Variants in NTRK1 observed in about 807,000 individuals in gnomAD.
NTRK1 encodes high affinity nerve growth factor receptor.
A neutral mutation model predicts 86.8 loss-of-function variants in NTRK1; 62 were observed. That is an observed-to-expected ratio of 0.71 (90% confidence interval 0.58 to 0.88). The LOEUF (loss-of-function observed/expected upper bound fraction) is 0.88, where lower values mean the gene tolerates loss of function less well. NTRK1 is among the 40% of genes least tolerant of loss of function. The pLI, the probability that NTRK1 is intolerant of heterozygous loss-of-function variation, is 0.00. For synonymous variants in NTRK1, 469 were observed against 456.6 expected, an observed-to-expected ratio of 1.03 and a Z score of -0.35; for missense variants, 967 against 1,078.4, an observed-to-expected ratio of 0.90 and a Z score of 1.45.
intron 2 of NTRK1, among the ~76,000 whole-genome samples, chr1:156,850,177 C>T (rs1487671552): frequency 6.6e-6 from 1 of 152,096 alleles, no homozygotes; most frequent in Non-Finnish European, 1.5e-5. Context: ...GCTAGGATTA[C>T]AGGCACGAGC....
chr1:156,849,208 T>C (rs1179992415), intron 2 of NTRK1: 2 of 1,608,660 alleles, frequency 1.2e-6, no homozygotes, highest in Admixed American at 1.7e-5. Flanking sequence ...GTCTAGTGTG[T>C]GGCCGCGTGT....
intron 4 of NTRK1, among the ~76,000 whole-genome samples, chr1:156,867,499 G>A (rs1186771847): frequency 1.3e-5 from 2 of 152,056 alleles, no homozygotes; most frequent in Non-Finnish European, 1.5e-5. Flanking sequence ...TCATTTTTAC[G>A]TTATTTTTTC....
chr1:156,863,660 T>C (rs898881688), intron 1 of NTRK1, among the ~76,000 whole-genome samples: 2 of 149,370 alleles, frequency 1.3e-5, no homozygotes, highest in Admixed American at 1.3e-4. Context: ...GCAGAGATGT[T>C]TGTGTGTGTG....
At position 156,874,940 on chromosome 1, in the gene NTRK1, G is replaced by C; in HGVS notation, c.1286G>C (p.Cys429Ser). ...SVAVGLAVFA[C>S]LFLSTLLLVL... ...GCTGTGGGCCTGGCCGTCTTTGCCT[G>C]CCTCTTCCTTTCTACGCTGCTCCTT... The change falls in exon 11 of 17, where the codon TGC becomes TCC. Residue 429 changes from cysteine to serine, a missense_variant. Coordinates refer to ENST00000524377, the MANE Select transcript of NTRK1 (RefSeq NM_002529.4). The C allele has an allele frequency of 6.2e-7, 1 of 1,614,026 alleles. No homozygotes were observed. Among genetic ancestry groups the C allele is most frequent in the South Asian group, 1.1e-5 (1 of 91,070 alleles).
chr1:156,837,155 T>G (rs1654616708), intron 1 of NTRK1: 2 of 152,270 alleles, frequency 1.3e-5, no homozygotes, highest in South Asian at 4.1e-4. Context: ...CCAAGTGCCC[T>G]TCCCATCTGA....
At chr1:156,876,594 G>A (rs1357353909) in intron 14 of NTRK1, 22 bp downstream of exon 14, 4 of 1,600,324 alleles carry the variant, frequency 2.5e-6, no homozygotes, top group African/African-American at 2.7e-5. Flanking sequence ...TGGCCTCAGC[G>A]CTGGCCCCGG....
intron 4 of NTRK1, 27 bp downstream of exon 4, chr1:156,867,005 G>C (rs1321332520): frequency 6.2e-7 from 1 of 1,612,258 alleles, no homozygotes; most frequent in Non-Finnish European, 8.5e-7. Flanking sequence ...CCAGGGGCAA[G>C]AGCACCAAGT....
rs750871672 is a variant in NTRK1, at chr1:156,854,282, C to T, written c.51-10072C>T. 25 of 1,611,870 alleles carry T rather than the reference C, an allele frequency of 1.6e-5. No homozygotes were observed. Among genetic ancestry groups the T allele is most frequent in the South Asian group, 1.4e-4 (13 of 90,938 alleles). ...CTGACGAAGCTCTGCCACCTCTGAGCGAATATCCAGGCTGGGGCACACTGT... is the reference window on the plus strand; with the variant it reads ...CTGACGAAGCTCTGCCACCTCTGAGTGAATATCCAGGCTGGGGCACACTGT... On this transcript the variant is annotated intron_variant, in intron 2 of 16. Coordinates refer to the NTRK1 transcript ENST00000392302. The surrounding 1 kb of genome is among the most constrained non-coding windows in gnomAD (Gnocchi z 4.2).
chr1:156,879,864 T>C (rs1648151607), intron 15 of NTRK1, 135 bp from the exon 16 acceptor site: 2 of 1,123,386 alleles, frequency 1.8e-6, no homozygotes, highest in Non-Finnish European at 2.6e-6. Context: ...CACCTCGGCC[T>C]CCCAAAGTGC....
At chr1:156,846,452 T>G (rs1655011364) in intron 2 of NTRK1, 2 of 1,294,002 alleles carry the variant, frequency 1.5e-6, no homozygotes, top group African/African-American at 2.9e-5. Flanking sequence ...CTATTTCTGG[T>G]GCCTGTGCTC....
At chr1:156,838,581 A>T (rs1000840673) in intron 1 of NTRK1, among the ~76,000 whole-genome samples, 4 of 152,138 alleles carry the variant, frequency 2.6e-5, no homozygotes, top group African/African-American at 9.7e-5. Context: ...TAGCATTGGG[A>T]AGTCCCTCCT....
chr1:156,861,085 A>G lies in NTRK1; in HGVS notation c.151A>G (p.Thr51Ala), dbSNP rs915452479. 22 of 1,580,968 alleles carry G rather than the reference A, an allele frequency of 1.4e-5. No individual in the cohort carries two copies. Among genetic ancestry groups the G allele is most frequent in the Non-Finnish European group, 1.6e-5 (19 of 1,167,810 alleles). Residue 51 changes from threonine to alanine, a missense_variant, in exon 1 of 17, where the codon ACC becomes GCC. By Grantham distance (58) the Thr-to-Ala change is moderately conservative. Transcript: ENST00000524377. ...CPHGSSGLRCTRDGALDSLHH... is the reference protein window; with the variant it reads ...CPHGSSGLRCARDGALDSLHH... ...CCACGGCTCCTCGGGACTGCGATGC[A>G]CCCGGGATGGGGCCCTGGATAGCCT... is the stretch of plus-strand genomic sequence containing the variant.
At chr1:156,846,549 G>A (rs1173724633) in intron 2 of NTRK1, 1 of 1,614,052 alleles carries the variant, frequency 6.2e-7, no homozygotes, top group African/African-American at 1.3e-5. Context: ...TAGACGATGG[G>A]ACTCTGGGCT....
At chr1:156,853,981 A>C in intron 2 of NTRK1, 1 of 1,613,534 alleles carries the variant, frequency 6.2e-7, no homozygotes, top group East Asian at 2.2e-5. Context: ...GCACAGCCCC[A>C]CGCAGCACGG....
At chr1:156,822,182 CATT>C (rs1192468307) in intron 1 of NTRK1, among the ~76,000 whole-genome samples, 4 of 152,166 alleles carry the variant, frequency 2.6e-5, no homozygotes, top group Non-Finnish European at 4.4e-5. Context: ...TGTGCCCTCT[CATT>C]ATGTTCAGCT....
intron 1 of NTRK1, 123 bp downstream of exon 1, chr1:156,861,269 C>T: frequency 1.8e-6 from 2 of 1,103,698 alleles, no homozygotes; most frequent in Non-Finnish European, 2.4e-6. Flanking sequence ...GCTGGCACCA[C>T]GCAGCCTTCG....
intron 15 of NTRK1, 118 bp downstream of exon 15, chr1:156,879,480 G>C: frequency 7.3e-7 from 1 of 1,369,774 alleles, no homozygotes; most frequent in Admixed American, 2.2e-5. Flanking sequence ...AGATTCACTG[G>C]CTCTGGTTTT....
chr1:156,854,543 A>G lies in NTRK1; in HGVS notation c.51-9811A>G, dbSNP rs1208366248. On this transcript the variant is annotated intron_variant, in intron 2 of 16. Transcript: ENST00000392302. This position sits in a 1 kb window ranked among gnomAD's most constrained non-coding sequence, Gnocchi z 4.2. ...ACTCCTGATCCTCTCTCCCAAGCCCATCTCCCCTTCTTGGTTAATAGCGAC... is the reference window on the plus strand; with the variant it reads ...ACTCCTGATCCTCTCTCCCAAGCCCGTCTCCCCTTCTTGGTTAATAGCGAC... Among the ~76,000 whole-genome samples, 1 of 151,990 alleles carries G rather than the reference A, an allele frequency of 6.6e-6. No individual in the cohort carries two copies. Among genetic ancestry groups the G allele is most frequent in the Admixed American group, 6.5e-5 (1 of 15,268 alleles).
At chr1:156,825,805 C>T (rs1654302924) in intron 1 of NTRK1, among the ~76,000 whole-genome samples, 1 of 152,194 alleles carries the variant, frequency 6.6e-6, no homozygotes, top group Non-Finnish European at 1.5e-5. Flanking sequence ...GATATGCCGT[C>T]ATGTCCAGCT....
Sources: allele counts gnomAD v4.1 joint callset (sites outside exome capture counted in the v4.1 genomes callset), GRCh38; gene constraint gnomAD v4.1.1; non-coding constraint Gnocchi (gnomAD v3.1); transcripts MANE v1.5; gene names NCBI Gene and HGNC (gene_info 2026-07-23, HGNC 2026-07-21).